Variants in PLXNA2 observed in about 807,000 individuals in gnomAD.
PLXNA2 encodes the protein plexin-A2.
Under a neutral mutation model 193.5 loss-of-function variants are expected in PLXNA2, and 91 were observed. The observed-to-expected ratio is 0.47, with a 90% CI of 0.40 to 0.56. PLXNA2 has a LOEUF of 0.56. Ranked by LOEUF, PLXNA2 falls within the 20% of genes least tolerant of loss-of-function variation. The pLI, the probability that PLXNA2 is intolerant of heterozygous loss-of-function variation, is 0.00. For synonymous variants in PLXNA2, 997 were observed against 1,027.3 expected (o/e 0.97, Z 0.56); for missense variants, 1,995 against 2,503.2 (o/e 0.80, Z 4.33).
intron 3 of PLXNA2, among the ~76,000 whole-genome samples, chr1:208,199,377 A>G (rs1313926036): frequency 6.6e-6 from 1 of 152,190 alleles, no homozygotes; most frequent in Non-Finnish European, 1.5e-5. Context: ...GGCCGAGGTC[A>G]GTCTGATGTT....
intron 3 of PLXNA2, among the ~76,000 whole-genome samples, chr1:208,187,436 G>A (rs1190353483): frequency 6.6e-6 from 1 of 152,166 alleles, no homozygotes; most frequent in Admixed American, 6.5e-5. Context: ...GATTTGGAAG[G>A]GAGGGAAGCA....
At chr1:208,118,543 C>A (rs2102444491) in intron 4 of PLXNA2, among the ~76,000 whole-genome samples, 1 of 152,302 alleles carries the variant, frequency 6.6e-6, no homozygotes, top group South Asian at 2.1e-4. Context: ...TCTTGTCCTG[C>A]CTGGGCAATC....
intron 22 of PLXNA2, among the ~76,000 whole-genome samples, chr1:208,041,086 A>C (rs1162826221): frequency 1.3e-5 from 2 of 152,204 alleles, no homozygotes; most frequent in Non-Finnish European, 2.9e-5. Context: ...GGCTCCTCCC[A>C]GCACCCTCTC....
intron 3 of PLXNA2, among the ~76,000 whole-genome samples, chr1:208,198,831 G>C (rs1043600085): frequency 1.3e-5 from 2 of 152,226 alleles, no homozygotes; most frequent in African/African-American, 2.4e-5. Context: ...TCTGGAGTCA[G>C]AGAGCTCTGG....
intron 3 of PLXNA2, among the ~76,000 whole-genome samples, chr1:208,162,205 T>C (rs1261443023): frequency 6.6e-6 from 1 of 152,214 alleles, no homozygotes; most frequent in African/African-American, 2.4e-5. Flanking sequence ...TGACATCCAT[T>C]AGCAGGAAGG....
At chr1:208,098,120 G>A (rs1657089469) in intron 6 of PLXNA2, among the ~76,000 whole-genome samples, 1 of 152,106 alleles carries the variant, frequency 6.6e-6, no homozygotes, top group Admixed American at 6.5e-5. Flanking sequence ...CTGAATCTCT[G>A]CCCCAGTTTC....
chr1:208,180,417 T>G (rs1669804559), intron 3 of PLXNA2, among the ~76,000 whole-genome samples: 5 of 152,098 alleles, frequency 3.3e-5, no homozygotes. Flanking sequence ...GTTCATCACA[T>G]AGCCTGAGCT....
intron 3 of PLXNA2, among the ~76,000 whole-genome samples, chr1:208,163,714 C>T (rs1340213189): frequency 6.6e-6 from 1 of 152,212 alleles, no homozygotes; most frequent in Admixed American, 6.5e-5. Context: ...GCTTATTGAA[C>T]TTTGGACATC....
chr1:208,157,304 T>C (rs1668967762), intron 3 of PLXNA2, among the ~76,000 whole-genome samples: 1 of 152,232 alleles, frequency 6.6e-6, no homozygotes, highest in Non-Finnish European at 1.5e-5. Flanking sequence ...TTTCTAGTTC[T>C]AAGACAGTTA....
intron 4 of PLXNA2, among the ~76,000 whole-genome samples, chr1:208,134,045 G>A (rs2102470996): frequency 6.6e-6 from 1 of 152,238 alleles, no homozygotes; most frequent in Non-Finnish European, 1.5e-5. Flanking sequence ...CAACCCCCTT[G>A]CCCATTTAGA....
chr1:208,206,046 C>T (rs1421613527), intron 3 of PLXNA2, among the ~76,000 whole-genome samples: 1 of 152,172 alleles, frequency 6.6e-6, no homozygotes, highest in East Asian at 1.9e-4. Context: ...GCACCTACCT[C>T]ATAGAGTTAT....
chr1:208,060,202 C>T (rs560746325), intron 13 of PLXNA2, among the ~76,000 whole-genome samples: 9 of 152,264 alleles, frequency 5.9e-5, no homozygotes, highest in East Asian at 1.9e-4. Context: ...TTTGCCTGTC[C>T]GCAACTACAT....
chr1:208,061,044 T>C (rs149168141), intron 12 of PLXNA2, among the ~76,000 whole-genome samples: 119 of 152,302 alleles, frequency 7.8e-4, no homozygotes, highest in African/African-American at 2.8e-3. Context: ...GCTTCCTCGG[T>C]TCTTTAAGTC....
intron 29 of PLXNA2, chr1:208,030,689 C>G (rs1197137441): frequency 1.0e-6 from 1 of 985,344 alleles, no homozygotes; most frequent in African/African-American, 1.7e-5. Flanking sequence ...CTGGGCCCAT[C>G]TGTGTCGGCT....
chr1:208,208,680 T>C (rs954387915), intron 3 of PLXNA2, among the ~76,000 whole-genome samples: 2 of 152,168 alleles, frequency 1.3e-5, no homozygotes, highest in African/African-American at 4.8e-5. Flanking sequence ...CTAGCCTGTG[T>C]GGTTTCTGCT....
intron 9 of PLXNA2, 130 bp downstream of exon 9, chr1:208,092,656 A>G (rs997750570): frequency 6.9e-6 from 4 of 581,020 alleles, no homozygotes; most frequent in African/African-American, 5.6e-5. Flanking sequence ...TAGCATGCAG[A>G]ATTTCTGGCA....
chr1:208,191,703 A>G (rs1185874103), intron 3 of PLXNA2, among the ~76,000 whole-genome samples: 1 of 152,244 alleles, frequency 6.6e-6, no homozygotes, highest in African/African-American at 2.4e-5. Flanking sequence ...TCAAGAGTTG[A>G]ACACAGATAC....
At chr1:208,209,919 T>C (rs1192778566) in intron 3 of PLXNA2, 1 of 237,228 alleles carries the variant, frequency 4.2e-6, no homozygotes, top group East Asian at 1.3e-4. Flanking sequence ...GGATTTGCGA[T>C]TTTGGAGATT....
At chr1:208,152,668 T>TACACACACACAC in intron 3 of PLXNA2, among the ~76,000 whole-genome samples, 1 of 137,534 alleles carries the variant, frequency 7.3e-6, no homozygotes, top group Non-Finnish European at 1.6e-5. Flanking sequence ...TGCATACACA[T>TACACACACACAC]ACACACACAC....
Sources: allele counts gnomAD v4.1 joint callset (sites outside exome capture counted in the v4.1 genomes callset), GRCh38; gene constraint gnomAD v4.1.1; transcripts MANE v1.5; gene names NCBI Gene and HGNC (gene_info 2026-07-23, HGNC 2026-07-21).